The following PTER variants were observed in gnomAD, a reference collection of about 807,000 sequenced individuals.
PTER encodes the protein N-acetyltaurine hydrolase.
PTER carries 38 observed loss-of-function variants against 29.6 expected under a neutral mutation model. The observed-to-expected ratio is 1.28, with a 90% CI of 0.99 to 1.68. The LOEUF is 1.68. Ranked by LOEUF, PTER falls within the 40% of genes most tolerant of loss-of-function variation. PTER has a pLI of 0.00. For missense variants in PTER, 482 were observed against 427.8 expected, an observed-to-expected ratio of 1.13 and a Z score of -1.12; for synonymous variants, 172 against 154.5, an observed-to-expected ratio of 1.11 and a Z score of -0.84.
rs1835695101 is a variant in PTER, at chr10:16,486,393, T to C, written c.474T>C (p.Asp158=). Residue 158 remains aspartate, a synonymous_variant, in exon 3 of 5, where the codon GAT becomes GAC. Transcript: ENST00000535784. ...VLMNEILHGA[D]GTSIKCGIIG... ...TGAATGAAATTCTCCATGGAGCTGA[T>C]GGAACCAGTATCAAGTGTGGCATTA... The C allele has an allele frequency of 6.2e-7, 1 of 1,614,004 alleles. No homozygotes were observed.
At chr10:16,494,177 G>A (rs45578234) in intron 3 of PTER, among the ~76,000 whole-genome samples, 50,430 of 151,998 alleles carry the variant, frequency 0.33, 8,667 homozygotes, top group Middle Eastern at 0.54. Flanking sequence ...TGAAGAGTTC[G>A]TATGGTAAAA....
chr10:16,459,610 A>T (rs771775192), intron 1 of PTER, among the ~76,000 whole-genome samples: 1 of 152,198 alleles, frequency 6.6e-6, no homozygotes, highest in East Asian at 1.9e-4. Context: ...AGCAGCTCGT[A>T]TGTATTCCCT....
chr10:16,452,151 A>T (rs1043753046), intron 1 of PTER, among the ~76,000 whole-genome samples: 6 of 151,430 alleles, frequency 4.0e-5, no homozygotes, highest in African/African-American at 9.7e-5. Flanking sequence ...AAAGTTTTAA[A>T]TGCCCATATA....
intron 1 of PTER, among the ~76,000 whole-genome samples, chr10:16,475,102 G>C (rs1835210982): frequency 6.6e-6 from 1 of 152,056 alleles, no homozygotes; most frequent in Non-Finnish European, 1.5e-5. Flanking sequence ...ACCTTCATCA[G>C]TTGATCACCT....
In PTER at chr10:16,511,411, A is replaced by G. The variant is rs1588637529; in HGVS notation, c.*155A>G. 7.4e-6 allele frequency: 5 copies of G among 679,266 alleles called. No individual in the cohort carries two copies. The highest frequency in any genetic ancestry group is 1.3e-5 in the Non-Finnish European group (5 of 396,616). The allele number at this position is 679,266 out of a possible 1,614,324, so 42.1% of individuals were successfully genotyped here. ...AGGAGGGTTTGCCTTCTCTGAGACC[A>G]GCTATTACAACTGTGCCTCTAGGGA... On this transcript the variant is annotated 3_prime_UTR_variant, in exon 5 of 5. Coordinates refer to ENST00000535784, the MANE Select transcript of PTER (RefSeq NM_001261836.2).
chr10:16,458,040 G>A (rs1458189443), intron 1 of PTER, among the ~76,000 whole-genome samples: 4 of 152,186 alleles, frequency 2.6e-5, no homozygotes, highest in Non-Finnish European at 5.9e-5. Flanking sequence ...TGTCTCTAAG[G>A]TAGAGAGGGT....
chr10:16,492,729 C>A (rs779568766), intron 3 of PTER, among the ~76,000 whole-genome samples: 44 of 152,168 alleles, frequency 2.9e-4, no homozygotes, highest in Non-Finnish European at 6.0e-4. Flanking sequence ...AGCCAAAGGG[C>A]TTTGATAGAA....
chr10:16,462,441 G>C (rs1268533067), intron 1 of PTER, among the ~76,000 whole-genome samples: 1 of 152,064 alleles, frequency 6.6e-6, no homozygotes, highest in Non-Finnish European at 1.5e-5. Context: ...GTTTTTCTGA[G>C]TCTGACTTTA....
At chr10:16,452,619 T>C (rs1001892747) in intron 1 of PTER, among the ~76,000 whole-genome samples, 1 of 151,754 alleles carries the variant, frequency 6.6e-6, no homozygotes, top group African/African-American at 2.4e-5. Flanking sequence ...TTTTGTTTTC[T>C]CTCCTCCTCC....
intron 1 of PTER, among the ~76,000 whole-genome samples, chr10:16,451,610 G>A (rs1342678086): frequency 6.6e-6 from 1 of 152,152 alleles, no homozygotes; most frequent in East Asian, 1.9e-4. Context: ...TACTCAGGAG[G>A]CTGAGGCAGG....
In PTER at chr10:16,507,949, A is replaced by G. The variant is rs572772219; in HGVS notation, c.839+2789A>G. On this transcript the variant is annotated intron_variant, in intron 4 of 4. Transcript: ENST00000535784. ...AGGAGACTATTCCTTGCCTAAGGGC[A>G]TCTGGAATTTAAAATAGTGCAGTGC... is the stretch of plus-strand genomic sequence containing the variant. 3.3e-5 allele frequency among the ~76,000 whole-genome samples: 5 copies of G among 152,372 alleles called. No individual in the cohort carries two copies. In the South Asian group the frequency reaches 1.0e-3, roughly 32 times the overall value.
chr10:16,474,583 G>A (rs1835186336), intron 1 of PTER, among the ~76,000 whole-genome samples: 1 of 151,760 alleles, frequency 6.6e-6, no homozygotes, highest in Non-Finnish European at 1.5e-5. Context: ...AGCCTGGGTG[G>A]CTTACCAAAA....
rs113049010 is a variant in PTER, at chr10:16,448,732, G to T, written c.-49+11685G>T. On this transcript the variant is annotated intron_variant, in intron 1 of 4. Coordinates refer to ENST00000535784, the MANE Select transcript of PTER (RefSeq NM_001261836.2). ...GTGATAAGTCATGGAAGGAAAAAGC[G>T]ATCGGGGTCCCTCTGAACAAGATTA... 5.9e-3 allele frequency among the ~76,000 whole-genome samples: 901 copies of T among 152,284 alleles called. 14 individuals carry two copies. Among genetic ancestry groups the T allele is most frequent in the African/African-American group, 0.02 (843 of 41,556 alleles).
downstream of PTER, chr10:16,514,588 G>A: frequency 6.2e-7 from 1 of 1,613,780 alleles, no homozygotes; most frequent in Non-Finnish European, 8.5e-7. Context: ...TTCCTCCATG[G>A]GCTTTCCCGC....
intron 1 of PTER, among the ~76,000 whole-genome samples, chr10:16,445,986 G>T (rs951629259): frequency 6.6e-6 from 1 of 152,158 alleles, no homozygotes; most frequent in Non-Finnish European, 1.5e-5. Flanking sequence ...CTTTGGTGCT[G>T]CTTTGAGCTT....
chr10:16,468,437 G>A (rs776239519), intron 1 of PTER, among the ~76,000 whole-genome samples: 20 of 151,560 alleles, frequency 1.3e-4, no homozygotes, highest in Non-Finnish European at 2.5e-4. Flanking sequence ...CTTTTCTAGT[G>A]CTAATTCCAC....
intron 1 of PTER, among the ~76,000 whole-genome samples, chr10:16,461,996 T>G (rs1834630265): frequency 6.6e-6 from 1 of 151,932 alleles, no homozygotes; most frequent in African/African-American, 2.4e-5. Context: ...GATTTTTTTT[T>G]TTTTTTGAGA....
intron 1 of PTER, among the ~76,000 whole-genome samples, chr10:16,475,256 G>C (rs1835216804): frequency 6.6e-6 from 1 of 152,122 alleles, no homozygotes; most frequent in Admixed American, 6.5e-5. Context: ...TCATTCTGTG[G>C]GTTGGTCAGA....
Position 16,454,052 on chromosome 10 carries a change from G to T in PTER, c.-49+17005G>T, listed in dbSNP as rs1834305084. On this transcript the variant is annotated intron_variant, in intron 1 of 4. Transcript: ENST00000535784. ...AAGTTTTAGCTTTTCTTCCTCTTGG[G>T]GAAATAGTGATATGTTCAGAAAGCA... is the stretch of plus-strand genomic sequence containing the variant. Among the ~76,000 whole-genome samples, 3 of 152,240 alleles carry T rather than the reference G, an allele frequency of 2.0e-5. No homozygotes were observed. The South Asian group carries it at 6.2e-4, about 32-fold the overall frequency.
Sources: allele counts gnomAD v4.1 joint callset (sites outside exome capture counted in the v4.1 genomes callset), GRCh38; gene constraint gnomAD v4.1.1; transcripts MANE v1.5; gene names NCBI Gene and HGNC (gene_info 2026-07-23, HGNC 2026-07-21).